STARD9: variants seen among roughly 807,000 people sequenced by gnomAD.
The protein encoded by STARD9 is stAR-related lipid transfer protein 9.
A neutral mutation model predicts 399.8 loss-of-function variants in STARD9; 346 were observed. That is an observed-to-expected ratio of 0.87 (90% CI 0.79 to 0.95). The LOEUF (loss-of-function observed/expected upper bound fraction) is 0.95. Ranked by LOEUF, STARD9 falls within the 40% of genes least tolerant of loss-of-function variation. The probability of loss-of-function intolerance (pLI) is 0.00; values close to 1 mark genes in which losing one functional copy is unlikely to be tolerated. For synonymous variants in STARD9, 2,203 were observed against 2,143.5 expected (o/e 1.03, Z -0.77); for missense variants, 5,832 against 5,667.5 (o/e 1.03, Z -0.93).
At position 42,674,940 on chromosome 15, in the gene STARD9, A is replaced by T. The variant is rs1363589584; in HGVS notation, c.1663A>T (p.Thr555Ser). 6.5e-7 allele frequency: 1 copy of T among 1,536,250 alleles called. No individual in the cohort carries two copies. Among genetic ancestry groups the T allele is most frequent in the African/African-American group, 1.4e-5 (1 of 73,134 alleles). The change falls in exon 18 of 33, where the codon ACT becomes TCT. Residue 555 changes from threonine (T) to serine (S), a missense_variant. By Grantham distance (58) the Thr-to-Ser change is moderately conservative. Transcript: ENST00000290607. ...ARCTVNGREV[T>S]ASCRLTQGAV... is the part of the protein sequence containing the mutation. Reference sequence around the variant, plus strand: ...CTGTACAGTCAATGGCCGGGAGGTCACTGCCTCCTGCCGTCTGACTCAAGG... The same window carrying T: ...CTGTACAGTCAATGGCCGGGAGGTCTCTGCCTCCTGCCGTCTGACTCAAGG...
At position 42,687,767 on chromosome 15, in the gene STARD9, A is replaced by T; in HGVS notation, c.6189A>T (p.Glu2063Asp). The T allele has an allele frequency of 3.3e-6, 5 of 1,537,432 alleles. No individual in the cohort carries two copies. Among genetic ancestry groups the T allele is most frequent in the Non-Finnish European group, 4.4e-6 (5 of 1,146,894 alleles). ...TGCAGCTGGAAAATGGCATCTTAGA[A>T]ATTGAATCTAAGCAGAATAAGCAGG... ...SVMQLENGIL[E>D]IESKQNKQVH... Residue 2063 changes from glutamate (E) to aspartate (D), a missense_variant, in exon 23 of 33, where the codon GAA (glutamate) becomes GAT (aspartate). This residue lies in a region of STARD9 where 5,828 missense variants were observed against 5,651.1 expected (regional missense o/e 1.03). Transcript: ENST00000290607.
rs1473526305 is a variant in STARD9 at position 42,689,072 on chromosome 15, T to G, written c.7494T>G (p.Ser2498Arg). 6.5e-7 allele frequency: 1 copy of G among 1,537,262 alleles called. No individual in the cohort carries two copies. The highest frequency in any genetic ancestry group is 2.4e-5 in the East Asian group (1 of 40,918). ...TCAGCTTCTCCTTGGAAGAGGATAG[T>G]GACCAAGCCAGCAAGCCAAGGCAGA... is the stretch of plus-strand genomic sequence containing the variant. ...KRVSFSLEED[S>R]DQASKPRQKA... The change falls in exon 23 of 33, where the codon AGT becomes AGG. Residue 2498 changes from serine to arginine, a missense_variant. By Grantham distance (110) the Ser-to-Arg change is moderately radical. This residue lies in a region of STARD9 where 5,828 missense variants were observed against 5,651.1 expected (regional missense o/e 1.03). Coordinates refer to ENST00000290607, the MANE Select transcript of STARD9 (RefSeq NM_020759.3).
chr15:42,706,545 C>A (rs1035093303), intron 26 of STARD9, among the ~76,000 whole-genome samples: 1 of 151,508 alleles, frequency 6.6e-6, no homozygotes, highest in African/African-American at 2.4e-5. Context: ...TCGCCTCAAT[C>A]TTTAAGCGAT....
chr15:42,591,207 G>T (rs547835588), intron 3 of STARD9, among the ~76,000 whole-genome samples: 21 of 152,282 alleles, frequency 1.4e-4, no homozygotes, highest in African/African-American at 5.1e-4. Context: ...ACATGTCCAG[G>T]CTGAGCACAG....
chr15:42,695,059 A>G (rs948901237), intron 24 of STARD9, 81 bp from the exon 25 acceptor site: 4 of 1,163,612 alleles, frequency 3.4e-6, no homozygotes, highest in African/African-American at 3.1e-5. Context: ...AGAAGGTGGT[A>G]TCACCCAAGC....
chr15:42,679,431 C>G (rs1359511027), intron 20 of STARD9, among the ~76,000 whole-genome samples: 2 of 152,210 alleles, frequency 1.3e-5, no homozygotes, highest in African/African-American at 4.8e-5. Flanking sequence ...TTTGAGCACA[C>G]TCACTCAAGT....
intron 26 of STARD9, among the ~76,000 whole-genome samples, chr15:42,714,431 A>C (rs2061314861): frequency 6.6e-6 from 1 of 152,028 alleles, no homozygotes; most frequent in South Asian, 2.1e-4. Flanking sequence ...TACATTATTG[A>C]ATTTGTTGGC....
intron 7 of STARD9, among the ~76,000 whole-genome samples, chr15:42,639,990 A>G (rs1157693992): frequency 6.6e-6 from 1 of 152,206 alleles, no homozygotes; most frequent in African/African-American, 2.4e-5. Flanking sequence ...TGATGCAAAC[A>G]TAGCTCACTG....
Position 42,691,956 on chromosome 15 carries a change from C to T in STARD9, c.10378C>T (p.His3460Tyr). The T allele has an allele frequency of 2.6e-6, 4 of 1,537,272 alleles. No individual in the cohort carries two copies. Among genetic ancestry groups the T allele is most frequent in the Non-Finnish European group, 3.5e-6 (4 of 1,146,904 alleles). ...CTCTCAGATGGACAAAGGAATGCTGCACTTTGGCTCCAGTGACATCAGTCC... is the reference window on the plus strand; with the variant it reads ...CTCTCAGATGGACAAAGGAATGCTGTACTTTGGCTCCAGTGACATCAGTCC... ...WCSQMDKGML[H>Y]FGSSDISPYA... Residue 3460 changes from histidine to tyrosine, a missense_variant, in exon 23 of 33, where the codon CAC becomes TAC. Physicochemically the swap from His to Tyr is moderately conservative, Grantham distance 83 (BLOSUM62 2). This residue lies in a region of STARD9 where 5,828 missense variants were observed against 5,651.1 expected (regional missense o/e 1.03). Transcript: ENST00000290607.
chr15:42,633,597 A>G (rs2059369324), intron 3 of STARD9, among the ~76,000 whole-genome samples: 1 of 150,960 alleles, frequency 6.6e-6, no homozygotes, highest in South Asian at 2.1e-4. Context: ...TTCAAATGAT[A>G]ATCTAGTTGT....
In STARD9 at chr15:42,690,964, A is replaced by G; in HGVS notation, c.9386A>G (p.Gln3129Arg). The change falls in exon 23 of 33, where the codon CAA (glutamine) becomes CGA (arginine). Residue 3129 changes from glutamine to arginine, a missense_variant. This residue lies in a region of STARD9 where 5,828 missense variants were observed against 5,651.1 expected (regional missense o/e 1.03). Coordinates refer to ENST00000290607, the MANE Select transcript of STARD9 (RefSeq NM_020759.3). ...SVGDQNAQVC[Q>R]TNPEPPATTQ... ...GGTGACCAGAATGCACAGGTGTGTC[A>G]AACCAATCCAGAACCACCTGCAACA... 9 of 1,537,240 alleles carry G rather than the reference A, an allele frequency of 5.9e-6. No homozygotes were observed. The highest frequency in any genetic ancestry group is 7.8e-6 in the Non-Finnish European group (9 of 1,146,910).
At chr15:42,694,819 C>T in intron 24 of STARD9, 94 bp downstream of exon 24, 1 of 924,186 alleles carries the variant, frequency 1.1e-6, no homozygotes, top group Non-Finnish European at 1.6e-6. Flanking sequence ...CTGGAGGGTT[C>T]TCTATAGGAG....
At chr15:42,638,268 A>AG in intron 6 of STARD9, 181 bp downstream of exon 6, 1 of 629,968 alleles carries the variant, frequency 1.6e-6, no homozygotes, top group Admixed American at 2.9e-5. Flanking sequence ...TAGGAAACTT[A>AG]ATTTCCTACC....
intron 7 of STARD9, among the ~76,000 whole-genome samples, chr15:42,640,155 T>G (rs900573810): frequency 2.0e-5 from 3 of 152,160 alleles, no homozygotes; most frequent in African/African-American, 7.2e-5. Context: ...TGGCCTCAAG[T>G]GATCTTCCCA....
At chr15:42,638,846 A>T in intron 7 of STARD9, 34 bp downstream of exon 7, 2 of 1,304,482 alleles carry the variant, frequency 1.5e-6, no homozygotes, top group Non-Finnish European at 2.1e-6. Context: ...TCTGAAACCA[A>T]ACTGAAGCCT....
At chr15:42,633,096 T>C (rs2059361401) in intron 3 of STARD9, among the ~76,000 whole-genome samples, 1 of 151,814 alleles carries the variant, frequency 6.6e-6, no homozygotes, top group African/African-American at 2.4e-5. Context: ...AAGCCAAGAT[T>C]GTGCCACTGC....
intron 9 of STARD9, among the ~76,000 whole-genome samples, chr15:42,655,441 C>G (rs956215954): frequency 1.3e-5 from 2 of 152,226 alleles, no homozygotes; most frequent in African/African-American, 4.8e-5. Context: ...CAAATACTTG[C>G]AGTCAACCGA....
rs527363666 is a variant in STARD9 at position 42,582,285 on chromosome 15, G to T, written c.48-1061G>T. 2.6e-5 allele frequency among the ~76,000 whole-genome samples: 4 copies of T among 152,326 alleles called. No homozygotes were observed. The South Asian group carries it at 8.3e-4, about 32-fold the overall frequency. On this transcript the variant is annotated intron_variant, in intron 1 of 32. Coordinates refer to ENST00000290607, the MANE Select transcript of STARD9 (RefSeq NM_020759.3). ...TATTGTCTCAACTTTCAGGTTCTAG[G>T]CTAGGAGTAATTTAATTGATAACTT...
chr15:42,714,058 AT>A (rs35057586), intron 26 of STARD9, among the ~76,000 whole-genome samples: 517 of 119,136 alleles, frequency 4.3e-3, no homozygotes, highest in South Asian at 0.026. Context: ...ATGCACTAAG[AT>A]TTTTTTTTTT....
Sources: gnomAD v4.1 joint callset for allele counts (sites outside exome capture counted in the v4.1 genomes callset) on GRCh38, gnomAD v4.1.1 for gene constraint, gnomAD v4.1.1 regional missense constraint, MANE v1.5 for transcripts, NCBI Gene and HGNC (gene_info 2026-07-23, HGNC 2026-07-21) for gene names.